EZH1: variants seen among roughly 807,000 people sequenced by gnomAD.
The protein encoded by EZH1 is enhancer of zeste 1 polycomb repressive complex 2 subunit.
In EZH1, 33 loss-of-function variants were observed where a neutral mutation model predicts 100.5. That is an observed-to-expected ratio of 0.33 (90% CI 0.25 to 0.44). EZH1 has a LOEUF of 0.44. Ranked by LOEUF, EZH1 falls within the 20% of genes least tolerant of loss-of-function variation. EZH1 has a pLI of 1.00. For missense variants in EZH1, 475 were observed against 928.4 expected (o/e 0.51, Z 6.35); for synonymous variants, 272 against 313.8 (o/e 0.87, Z 1.41).
At chr17:42,715,775 C>T (rs1020486691) in intron 10 of EZH1, among the ~76,000 whole-genome samples, 6 of 152,040 alleles carry the variant, frequency 3.9e-5, no homozygotes, top group African/African-American at 9.7e-5. Flanking sequence ...CAAGGCCGGG[C>T]GCCTTATTAC....
chr17:42,705,030 CAG>C (rs1177367602), intron 17 of EZH1, 56 bp downstream of exon 17: 7 of 1,402,604 alleles, frequency 5.0e-6, no homozygotes, highest in Non-Finnish European at 4.0e-6. Flanking sequence ...CACAGAAAAT[CAG>C]AGTTTCTCAT....
At chr17:42,714,520 C>A in intron 10 of EZH1, 1 of 283,304 alleles carries the variant, frequency 3.5e-6, no homozygotes, top group South Asian at 4.0e-5. Flanking sequence ...AGCATGTCAG[C>A]AGGGCCTATG....
intron 6 of EZH1, among the ~76,000 whole-genome samples, chr17:42,722,136 G>A (rs1243368146): frequency 9.3e-5 from 12 of 128,480 alleles, no homozygotes; most frequent in African/African-American, 2.4e-4. Flanking sequence ...GTGACACAGC[G>A]AGACTCTGTC....
At chr17:42,741,410 T>A (rs2054173766) in intron 1 of EZH1, among the ~76,000 whole-genome samples, 1 of 152,172 alleles carries the variant, frequency 6.6e-6, no homozygotes, top group Non-Finnish European at 1.5e-5. Context: ...GGTTTCACCG[T>A]GTTGGACAGG....
At chr17:42,702,687 C>T in intron 20 of EZH1, 95 bp from the exon 21 acceptor site, 1 of 1,357,876 alleles carries the variant, frequency 7.4e-7, no homozygotes, top group South Asian at 1.3e-5. Context: ...CCTCCCACTC[C>T]TTAAGGGCTG....
intron 6 of EZH1, among the ~76,000 whole-genome samples, chr17:42,721,705 A>G (rs764018149): frequency 2.6e-5 from 4 of 151,958 alleles, no homozygotes; most frequent in Non-Finnish European, 5.9e-5. Context: ...AGAAAGAAAA[A>G]AAGAAATAAC....
intron 1 of EZH1, among the ~76,000 whole-genome samples, chr17:42,739,815 G>C (rs1042253921): frequency 3.3e-5 from 5 of 149,886 alleles, no homozygotes; most frequent in South Asian, 2.1e-4. Flanking sequence ...ACAGAGTCTC[G>C]CGCTGTCGCC....
chr17:42,708,527 T>A (rs376105751), intron 14 of EZH1, among the ~76,000 whole-genome samples: 1 of 152,096 alleles, frequency 6.6e-6, no homozygotes, highest in East Asian at 1.9e-4. Flanking sequence ...TGGTGGTACA[T>A]GCCTGTAATC....
At chr17:42,744,837 TC>T (rs1017725332) in intron 1 of EZH1, among the ~76,000 whole-genome samples, 173 bp downstream of exon 1, 27 of 151,296 alleles carry the variant, frequency 1.8e-4, no homozygotes, top group African/African-American at 6.3e-4. Context: ...TCGCCCCCAT[TC>T]CCCCACCCTC....
intron 16 of EZH1, among the ~76,000 whole-genome samples, chr17:42,705,412 C>T (rs2053332645): frequency 6.6e-6 from 1 of 152,196 alleles, no homozygotes; most frequent in Admixed American, 6.5e-5. Flanking sequence ...ATGGAGCCCT[C>T]CTGGGCCTTA....
intron 4 of EZH1, among the ~76,000 whole-genome samples, chr17:42,727,063 T>C (rs2053835205): frequency 6.6e-6 from 1 of 151,848 alleles, no homozygotes; most frequent in South Asian, 2.1e-4. Flanking sequence ...TTGGCCAGGC[T>C]GGTCTCAAAC....
chr17:42,738,092 C>T (rs1349511387), intron 1 of EZH1, among the ~76,000 whole-genome samples: 2 of 149,582 alleles, frequency 1.3e-5, no homozygotes, highest in African/African-American at 2.5e-5. Flanking sequence ...AGGAGAATGG[C>T]GTGAACCCAG....
At chr17:42,744,079 C>A (rs1266715389) in intron 1 of EZH1, among the ~76,000 whole-genome samples, 3 of 152,114 alleles carry the variant, frequency 2.0e-5, no homozygotes. Context: ...CCCTGCCAAG[C>A]GTCAGGTTCC....
intron 1 of EZH1, among the ~76,000 whole-genome samples, chr17:42,743,292 TC>T (rs1247210805): frequency 6.7e-6 from 1 of 149,744 alleles, no homozygotes. Context: ...GCCTCAGCCC[TC>T]CCGAGTAGCT....
At chr17:42,741,560 T>TA in intron 1 of EZH1, among the ~76,000 whole-genome samples, 1 of 152,196 alleles carries the variant, frequency 6.6e-6, no homozygotes. Context: ...AAGATATACT[T>TA]AATGACATGA....
chr17:42,704,834 G>A (rs2053318567), intron 17 of EZH1, 151 bp from the exon 18 acceptor site: 1 of 707,556 alleles, frequency 1.4e-6, no homozygotes. Flanking sequence ...AAGTTATGCT[G>A]TTCCAATTCC....
At chr17:42,735,872 C>G (rs2054055726) in intron 1 of EZH1, among the ~76,000 whole-genome samples, 1 of 152,096 alleles carries the variant, frequency 6.6e-6, no homozygotes, top group Admixed American at 6.6e-5. Flanking sequence ...GCAATCTCAG[C>G]TACTCAGGAA....
At chr17:42,710,476 G>C (rs1168187751) in intron 12 of EZH1, among the ~76,000 whole-genome samples, 9 of 152,058 alleles carry the variant, frequency 5.9e-5, no homozygotes. Context: ...GGGGATCTTT[G>C]AAAACTGTAA....
At chr17:42,729,091 A>G (rs2053884856) in intron 2 of EZH1, 139 bp from the exon 3 acceptor site, 2 of 818,364 alleles carry the variant, frequency 2.4e-6, no homozygotes, top group Non-Finnish European at 3.6e-6. Context: ...AAAGAACCCA[A>G]ATGTGTGAGT....
Sources: allele counts gnomAD v4.1 joint callset (sites outside exome capture counted in the v4.1 genomes callset), GRCh38; gene constraint gnomAD v4.1.1; transcripts MANE v1.5; gene names NCBI Gene and HGNC (gene_info 2026-07-23, HGNC 2026-07-21).